The following PDE7B variants were observed in gnomAD, a reference collection of about 807,000 sequenced individuals.
The protein encoded by PDE7B is 3',5'-cyclic-AMP phosphodiesterase 7B.
In PDE7B, 29 loss-of-function variants were observed where a neutral mutation model predicts 56.2. That is an observed-to-expected ratio of 0.52 (90% CI 0.38 to 0.70). The LOEUF is 0.70. PDE7B is among the 30% of genes least tolerant of loss of function. The pLI is 0.00. For missense variants in PDE7B, 490 were observed against 565.0 expected (o/e 0.87, Z 1.35); for synonymous variants, 197 against 196.9 (o/e 1.00, Z 0.00).
At chr6:135,918,240 C>CT (rs1442956883) in intron 1 of PDE7B, among the ~76,000 whole-genome samples, 1 of 152,166 alleles carries the variant, frequency 6.6e-6, no homozygotes, top group East Asian at 1.9e-4. Context: ...GCTGGGGCAA[C>CT]TGGAGGGCTC....
chr6:135,958,877 G>A (rs12202840), intron 2 of PDE7B, among the ~76,000 whole-genome samples: 54,741 of 151,896 alleles, frequency 0.36, 10,206 homozygotes, highest in Admixed American at 0.51. Context: ...TAGCATGAAC[G>A]CTATCAAGCT....
intron 1 of PDE7B, among the ~76,000 whole-genome samples, chr6:135,887,385 T>C (rs1301295780): frequency 6.6e-6 from 1 of 152,172 alleles, no homozygotes; most frequent in South Asian, 2.1e-4. Context: ...TTATAATTGC[T>C]CTGCAGATTA....
At chr6:136,042,235 G>A (rs1054170670) in intron 2 of PDE7B, among the ~76,000 whole-genome samples, 7 of 152,234 alleles carry the variant, frequency 4.6e-5, no homozygotes, top group African/African-American at 1.7e-4. Context: ...CACCCATGTG[G>A]GGAGTGGGGA....
chr6:135,889,177 C>A (rs1019651823), intron 1 of PDE7B, among the ~76,000 whole-genome samples: 2 of 152,148 alleles, frequency 1.3e-5, no homozygotes, highest in East Asian at 3.9e-4. Flanking sequence ...ATACAATGAC[C>A]CACCAACAGA....
At chr6:136,112,138 A>G (rs988469581) in intron 3 of PDE7B, among the ~76,000 whole-genome samples, 8 of 152,264 alleles carry the variant, frequency 5.3e-5, no homozygotes, top group African/African-American at 1.4e-4. Context: ...GCAGAAATGT[A>G]TACTAAATAG....
At chr6:136,033,309 T>C (rs957156272) in intron 2 of PDE7B, among the ~76,000 whole-genome samples, 1 of 152,230 alleles carries the variant, frequency 6.6e-6, no homozygotes, top group Non-Finnish European at 1.5e-5. Flanking sequence ...TTAGTTAAGA[T>C]CTTTAACAGC....
At chr6:136,086,299 T>C (rs573218227) in intron 2 of PDE7B, among the ~76,000 whole-genome samples, 1 of 152,290 alleles carries the variant, frequency 6.6e-6, no homozygotes, top group South Asian at 2.1e-4. Context: ...TCCAGTTCCA[T>C]TGTGAAGCTA....
intron 2 of PDE7B, among the ~76,000 whole-genome samples, chr6:136,100,874 G>C (rs1016738274): frequency 1.3e-5 from 2 of 152,172 alleles, no homozygotes; most frequent in African/African-American, 4.8e-5. Flanking sequence ...TTCCAGGTTT[G>C]CCCATTCAGT....
intron 1 of PDE7B, among the ~76,000 whole-genome samples, chr6:135,907,379 A>G (rs765792722): frequency 6.6e-6 from 1 of 151,836 alleles, no homozygotes; most frequent in Non-Finnish European, 1.5e-5. Flanking sequence ...CTCCCCTGGC[A>G]CCCCAAAGAA....
chr6:135,882,961 T>A (rs183570834), intron 1 of PDE7B, among the ~76,000 whole-genome samples: 3 of 152,300 alleles, frequency 2.0e-5, no homozygotes, highest in African/African-American at 7.2e-5. Flanking sequence ...AATCTCTTTT[T>A]TCATAAGGTA....
chr6:136,078,564 G>A (rs1021768263), intron 2 of PDE7B, among the ~76,000 whole-genome samples: 16 of 146,236 alleles, frequency 1.1e-4, no homozygotes, highest in African/African-American at 3.8e-4. Flanking sequence ...GCACATGGTG[G>A]TGAAAATGTT....
Position 136,122,739 on chromosome 6 carries a change from A to G in PDE7B, c.166+13925A>G, listed in dbSNP as rs189356873. Among the ~76,000 whole-genome samples the G allele has an allele frequency of 1.7e-3, 258 of 151,302 alleles. 4 individuals are homozygous for G. Among genetic ancestry groups the G allele is most frequent in the Admixed American group, 0.017 (258 of 15,222 alleles). On this transcript the variant is annotated intron_variant, in intron 3 of 12. Transcript: ENST00000308191. ...TCTCAAAAATGTGTAGATTCTGTAA[A>G]TTATTATCCTCAAGTGACACAAGGG...
intron 2 of PDE7B, among the ~76,000 whole-genome samples, chr6:136,073,634 A>G (rs1472781470): frequency 1.3e-5 from 2 of 152,174 alleles, no homozygotes; most frequent in Non-Finnish European, 2.9e-5. Flanking sequence ...CATCTAACTT[A>G]ACTGCCTTTT....
At chr6:136,086,749 T>C (rs1777299123) in intron 2 of PDE7B, among the ~76,000 whole-genome samples, 2 of 152,168 alleles carry the variant, frequency 1.3e-5, no homozygotes, top group Admixed American at 6.6e-5. Context: ...GACATTTTAC[T>C]CAGAAGAAAA....
intron 1 of PDE7B, among the ~76,000 whole-genome samples, chr6:135,900,051 A>G (rs2128191565): frequency 6.6e-6 from 1 of 152,280 alleles, no homozygotes; most frequent in South Asian, 2.1e-4. Context: ...CAAACTGTCT[A>G]AAGTTAGTCT....
At chr6:135,990,463 G>A (rs1247862199) in intron 2 of PDE7B, among the ~76,000 whole-genome samples, 1 of 152,104 alleles carries the variant, frequency 6.6e-6, no homozygotes, top group Admixed American at 6.5e-5. Flanking sequence ...CATGAGCTTT[G>A]GGTTCTTTGG....
intron 2 of PDE7B, among the ~76,000 whole-genome samples, chr6:135,953,461 T>G (rs1774736637): frequency 6.6e-6 from 1 of 152,174 alleles, no homozygotes; most frequent in South Asian, 2.1e-4. Flanking sequence ...CTGTTTACTC[T>G]TCTCTAAAAC....
intron 2 of PDE7B, among the ~76,000 whole-genome samples, chr6:136,060,138 T>C (rs915015401): frequency 1.3e-5 from 2 of 152,220 alleles, no homozygotes; most frequent in African/African-American, 4.8e-5. Context: ...TAAAAATGAA[T>C]AGCTAATATA....
At chr6:136,132,677 T>C (rs1202575605) in intron 3 of PDE7B, among the ~76,000 whole-genome samples, 1 of 152,156 alleles carries the variant, frequency 6.6e-6, no homozygotes, top group Non-Finnish European at 1.5e-5. Flanking sequence ...ATTGAATACA[T>C]GGAATAGGAG....
Sources: allele counts gnomAD v4.1 joint callset (sites outside exome capture counted in the v4.1 genomes callset), GRCh38; gene constraint gnomAD v4.1.1; transcripts MANE v1.5; gene names NCBI Gene and HGNC (gene_info 2026-07-23, HGNC 2026-07-21).